The following PLS1 variants were observed in gnomAD, a reference collection of about 807,000 sequenced individuals.
PLS1 encodes plastin-1.
A neutral mutation model predicts 73.7 loss-of-function variants in PLS1; 32 were observed. That is an observed-to-expected ratio of 0.43 (90% CI 0.33 to 0.58). PLS1 has a LOEUF of 0.58. Ranked by LOEUF, PLS1 falls within the 20% of genes least tolerant of loss-of-function variation. PLS1 has a pLI of 0.04. For synonymous variants in PLS1, 217 were observed against 261.3 expected (o/e 0.83, Z 1.63); for missense variants, 633 against 740.5 (o/e 0.85, Z 1.68).
intron 4 of PLS1, among the ~76,000 whole-genome samples, chr3:142,672,341 T>TC (rs1435519372): frequency 7.4e-6 from 1 of 134,278 alleles, no homozygotes; most frequent in East Asian, 2.0e-4. Context: ...GAAGTGTACT[T>TC]TTTTTTTTTT....
intron 4 of PLS1, among the ~76,000 whole-genome samples, chr3:142,673,352 G>T (rs2037648433): frequency 6.6e-6 from 1 of 152,010 alleles, no homozygotes; most frequent in Non-Finnish European, 1.5e-5. Context: ...TTTTATTGCT[G>T]AATATTCCAT....
At chr3:142,616,007 C>T (rs1358280887) in intron 1 of PLS1, among the ~76,000 whole-genome samples, 1 of 152,182 alleles carries the variant, frequency 6.6e-6, no homozygotes, top group Non-Finnish European at 1.5e-5. Context: ...GATTCTATTG[C>T]ATTTAAAGTC....
chr3:142,628,221 T>G (rs2036472181), intron 1 of PLS1, among the ~76,000 whole-genome samples: 10 of 152,212 alleles, frequency 6.6e-5, no homozygotes, highest in Admixed American at 6.5e-4. Context: ...CTGAAAATAC[T>G]ACCAGCTTTG....
chr3:142,618,632 C>T (rs2036256114), intron 1 of PLS1, among the ~76,000 whole-genome samples: 1 of 152,142 alleles, frequency 6.6e-6, no homozygotes, highest in African/African-American at 2.4e-5. Flanking sequence ...GGAAGGCCAT[C>T]CCCAGCTTCT....
rs1238436434 is a variant in PLS1 at position 142,616,194 on chromosome 3, A to G, written c.-37+19685A>G. 4.6e-5 allele frequency among the ~76,000 whole-genome samples: 7 copies of G among 152,326 alleles called. No individual in the cohort carries two copies. In the East Asian group the frequency reaches 1.4e-3, roughly 29 times the overall value. ...AAACATAAAGATAAAGGTTTCCCTC[A>G]ACAGATAATCCTGCCCTGTAGTCTG... On this transcript the variant is annotated intron_variant, in intron 1 of 15. Transcript: ENST00000457734.
intron 1 of PLS1, among the ~76,000 whole-genome samples, chr3:142,641,026 G>A (rs1226382267): frequency 6.6e-6 from 1 of 151,604 alleles, no homozygotes; most frequent in Non-Finnish European, 1.5e-5. Context: ...GCCAGGTATG[G>A]TAGTGCATGC....
intron 1 of PLS1, among the ~76,000 whole-genome samples, chr3:142,646,344 A>T (rs557882391): frequency 4.0e-4 from 61 of 152,314 alleles, no homozygotes; most frequent in African/African-American, 1.1e-3. Flanking sequence ...TTTATGAGCC[A>T]TGTTTATAGA....
At chr3:142,662,948 G>A (rs775529659) in intron 1 of PLS1, among the ~76,000 whole-genome samples, 30 of 152,070 alleles carry the variant, frequency 2.0e-4, no homozygotes, top group Admixed American at 6.5e-4. Flanking sequence ...GTGGCTCAGC[G>A]TCTGTAATCC....
chr3:142,677,382 A>G (rs1227793410), intron 5 of PLS1, among the ~76,000 whole-genome samples: 4 of 152,196 alleles, frequency 2.6e-5, no homozygotes, highest in South Asian at 4.1e-4. Context: ...GTGGTGGCTC[A>G]TGCCTGTAAT....
At chr3:142,668,740 T>C (rs1210929146) in intron 2 of PLS1, among the ~76,000 whole-genome samples, 1 of 152,066 alleles carries the variant, frequency 6.6e-6, no homozygotes, top group African/African-American at 2.4e-5. Flanking sequence ...TAGCTTTGAT[T>C]ACAGGTGCCC....
At chr3:142,601,704 A>T (rs754985946) in intron 1 of PLS1, among the ~76,000 whole-genome samples, 1 of 151,860 alleles carries the variant, frequency 6.6e-6, no homozygotes, top group Non-Finnish European at 1.5e-5. Context: ...TTTTATAGTG[A>T]TAAGGTCTTG....
chr3:142,645,633 C>T (rs1055702365), intron 1 of PLS1: 2 of 152,174 alleles, frequency 1.3e-5, no homozygotes, highest in Admixed American at 1.3e-4. Context: ...GCTTCCTGCT[C>T]TCTGACAGTT....
intron 6 of PLS1, among the ~76,000 whole-genome samples, chr3:142,680,570 C>T (rs1347051926): frequency 1.3e-5 from 2 of 152,152 alleles, no homozygotes; most frequent in Admixed American, 1.3e-4. Flanking sequence ...TATCATTTCA[C>T]AAAATTTTAA....
chr3:142,605,006 G>C (rs1254896645), intron 1 of PLS1, among the ~76,000 whole-genome samples: 1 of 152,056 alleles, frequency 6.6e-6, no homozygotes, highest in Non-Finnish European at 1.5e-5. Flanking sequence ...ATGTTTAGTG[G>C]TCAATTAAAA....
At chr3:142,695,014 G>A (rs948713844) in intron 11 of PLS1, among the ~76,000 whole-genome samples, 1 of 152,004 alleles carries the variant, frequency 6.6e-6, no homozygotes, top group African/African-American at 2.4e-5. Flanking sequence ...TTTAAAAAAT[G>A]ATAACACATT....
At chr3:142,705,401 C>T (rs1326061790) in intron 14 of PLS1, among the ~76,000 whole-genome samples, 1 of 152,172 alleles carries the variant, frequency 6.6e-6, no homozygotes, top group Non-Finnish European at 1.5e-5. Context: ...ACTTAACACT[C>T]ACTTCCAAGC....
At chr3:142,600,876 TCATATATATATATATATATATA>T (rs2035900569) in intron 1 of PLS1, among the ~76,000 whole-genome samples, 2 of 65,492 alleles carry the variant, frequency 3.1e-5, no homozygotes, top group African/African-American at 6.6e-5. Context: ...TGGCCTGGTT[TCATATATATATATATATATATA>T]TATATATATA....
chr3:142,623,046 A>C (rs2036346784), intron 1 of PLS1, among the ~76,000 whole-genome samples: 1 of 152,014 alleles, frequency 6.6e-6, no homozygotes, highest in Non-Finnish European at 1.5e-5. Flanking sequence ...ACAGCCTTGT[A>C]CTCCTGGGCT....
chr3:142,628,337 GTGTGCGCGCACATGTGCATGCAGTGTGCA>G lies in PLS1; in HGVS notation c.-37+31833_-37+31861del, dbSNP rs934756662. ...ATGGGTCCCAGAATATAGTGTGTGTGTGTGCGCGCACATGTGCATGCAGTGTGCATGTGTGCGCGCACATGTGCATGCAG... is the reference window on the plus strand; with the variant it reads ...ATGGGTCCCAGAATATAGTGTGTGTGTGTGTGCGCGCACATGTGCATGCAG... On this transcript the variant is annotated intron_variant, in intron 1 of 15. Transcript: ENST00000457734. Among the ~76,000 whole-genome samples, 3 of 29,176 alleles carry G rather than the reference GTGTGCGCGCACATGTGCATGCAGTGTGCA, an allele frequency of 1.0e-4. No homozygotes were observed. In the African/African-American group the frequency reaches 2.4e-3, roughly 23 times the overall value. 19.1% of individuals were successfully genotyped at this position (29,176 alleles called of 152,430 possible).
Sources: allele counts gnomAD v4.1 joint callset (sites outside exome capture counted in the v4.1 genomes callset), GRCh38; gene constraint gnomAD v4.1.1; transcripts MANE v1.5; gene names NCBI Gene and HGNC (gene_info 2026-07-23, HGNC 2026-07-21).